DCC: variants seen among roughly 807,000 people sequenced by gnomAD.
DCC encodes the protein DCC netrin 1 receptor.
A neutral mutation model predicts 172.5 loss-of-function variants in DCC; 58 were observed. The observed-to-expected ratio is 0.34, with a 90% confidence interval of 0.27 to 0.42. The LOEUF (loss-of-function observed/expected upper bound fraction) is 0.42, where lower values mean the gene tolerates loss of function less well. Ranked by LOEUF, DCC falls within the 10% of genes least tolerant of loss-of-function variation. DCC has a pLI of 1.00. For missense variants in DCC, 1,740 were observed against 1,791.0 expected (o/e 0.97, Z 0.51); for synonymous variants, 709 against 644.5 (o/e 1.10, Z -1.52).
Position 53,402,846 on chromosome 18 carries a change from T to C in DCC, c.2888T>C (p.Val963Ala), listed in dbSNP as rs1296786776. The change falls in exon 19 of 29, where the codon GTC becomes GCC. Residue 963 changes from valine (V) to alanine (A), a missense_variant. Physicochemically the swap from Val to Ala is moderately conservative, Grantham distance 64 (BLOSUM62 0). Coordinates refer to ENST00000442544, the MANE Select transcript of DCC (RefSeq NM_005215.4). Reference sequence around the variant, plus strand: ...ACTAGGGAAGGGAAGCCTCGTGCCGTCATTGTGAGTTGGCAGCCTCCCTTG... The same window carrying C: ...ACTAGGGAAGGGAAGCCTCGTGCCGCCATTGTGAGTTGGCAGCCTCCCTTG... ...VITREGKPRA[V>A]IVSWQPPLEA... 2 of 1,614,078 alleles carry C rather than the reference T, an allele frequency of 1.2e-6. No individual in the cohort carries two copies. The highest frequency in any genetic ancestry group is 1.7e-6 in the Non-Finnish European group (2 of 1,179,976).
intron 2 of DCC, among the ~76,000 whole-genome samples, chr18:52,886,634 A>T (rs1055063429): frequency 1.3e-5 from 2 of 152,154 alleles, no homozygotes; most frequent in Admixed American, 6.5e-5. Flanking sequence ...GAGGGGGGTC[A>T]GACAAAACCT....
chr18:52,481,425 G>GAATGTAA (rs1240956585), intron 1 of DCC, among the ~76,000 whole-genome samples: 1 of 152,070 alleles, frequency 6.6e-6, no homozygotes, highest in Non-Finnish European at 1.5e-5. Context: ...GATTTTACCT[G>GAATGTAA]GCCAGGGAAA....
chr18:53,270,549 C>T (rs1403992464), intron 12 of DCC, among the ~76,000 whole-genome samples: 5 of 152,028 alleles, frequency 3.3e-5, no homozygotes, highest in Non-Finnish European at 7.4e-5. Flanking sequence ...CAATTTGCTT[C>T]CTGGGATTCA....
chr18:52,817,365 C>T (rs1398296876), intron 2 of DCC, among the ~76,000 whole-genome samples: 2 of 152,030 alleles, frequency 1.3e-5, no homozygotes, highest in Admixed American at 6.5e-5. Flanking sequence ...TTTATAGATA[C>T]TCACAAACTC....
In DCC at chr18:53,140,287, G is replaced by T. The variant is rs540218975; in HGVS notation, c.1262-17069G>T. ...ATATGTTAAAACCCAAATTAAACAA[G>T]CTTTTATCTGCATGGCTCAGTGTCA... On this transcript the variant is annotated intron_variant, in intron 7 of 28. Transcript: ENST00000442544. 1.2e-4 allele frequency among the ~76,000 whole-genome samples: 19 copies of T among 152,212 alleles called. No individual in the cohort carries two copies. The South Asian group carries it at 3.1e-3, about 25-fold the overall frequency.
intron 2 of DCC, among the ~76,000 whole-genome samples, chr18:52,841,312 T>C (rs1598856644): frequency 6.6e-6 from 1 of 151,240 alleles, no homozygotes; most frequent in Admixed American, 6.6e-5. Context: ...CTCTGACTAA[T>C]GCATGTAGAG....
chr18:52,375,327 A>G (rs1211895334), intron 1 of DCC, among the ~76,000 whole-genome samples: 1 of 152,220 alleles, frequency 6.6e-6, no homozygotes, highest in Non-Finnish European at 1.5e-5. Context: ...ACTCACACAC[A>G]CACACATTTA....
Position 52,746,966 on chromosome 18 carries a change from GGGAGGA to G in DCC, c.92-5071_92-5066del, listed in dbSNP as rs573886015. Among the ~76,000 whole-genome samples the G allele has an allele frequency of 2.0e-5, 3 of 150,814 alleles. No individual in the cohort carries two copies. The East Asian group carries it at 5.8e-4, about 29-fold the overall frequency. On this transcript the variant is annotated intron_variant, in intron 1 of 28. Transcript: ENST00000442544. ...GAGGTGGAGAAGGAGGAAGTGTAAG[GGGAGGA>G]GGAGGAGGAGGAGGAGAAGGCCCAA...
chr18:53,313,602 C>T (rs1290656192), intron 13 of DCC, among the ~76,000 whole-genome samples: 1 of 152,182 alleles, frequency 6.6e-6, no homozygotes, highest in Non-Finnish European at 1.5e-5. Flanking sequence ...TTGGATATTA[C>T]TGATTTCTTA....
At chr18:53,194,233 T>C (rs1009847570) in intron 9 of DCC, among the ~76,000 whole-genome samples, 15 of 152,136 alleles carry the variant, frequency 9.9e-5, no homozygotes, top group African/African-American at 3.6e-4. Context: ...AGCCAGTGAA[T>C]GCCCTTTCTG....
intron 15 of DCC, among the ~76,000 whole-genome samples, chr18:53,348,913 C>T (rs775373601): frequency 2.0e-5 from 3 of 152,166 alleles, no homozygotes; most frequent in Non-Finnish European, 4.4e-5. Context: ...AGGGGCTGCA[C>T]TGAAGACCTC....
At chr18:53,132,355 C>A (rs578153354) in intron 7 of DCC, among the ~76,000 whole-genome samples, 81 of 152,136 alleles carry the variant, frequency 5.3e-4, no homozygotes, top group Middle Eastern at 6.8e-3. Context: ...CATGATGAGT[C>A]GACCTGAGCT....
chr18:52,955,953 G>A (rs1483195910), intron 5 of DCC, among the ~76,000 whole-genome samples: 3 of 151,530 alleles, frequency 2.0e-5, no homozygotes, highest in African/African-American at 7.3e-5. Context: ...TGCATATTTG[G>A]GCTATCATTT....
At chr18:53,017,821 A>G (rs1410059673) in intron 5 of DCC, among the ~76,000 whole-genome samples, 1 of 152,188 alleles carries the variant, frequency 6.6e-6, no homozygotes, top group East Asian at 1.9e-4. Context: ...TTCTTTTTAT[A>G]CATACTACTG....
rs112598124 is a variant in DCC, at chr18:52,503,517, G to A, written c.91+162639G>A. ...AAAATATACAGTAGGAAAAGCATGCGATTGTGCTCAGAGTTTATGTTCCTG... is the reference window on the plus strand; with the variant it reads ...AAAATATACAGTAGGAAAAGCATGCAATTGTGCTCAGAGTTTATGTTCCTG... On this transcript the variant is annotated intron_variant, in intron 1 of 28. Transcript: ENST00000442544. 9.0e-3 allele frequency among the ~76,000 whole-genome samples: 1,372 copies of A among 152,210 alleles called. 11 individuals are homozygous for A. The highest frequency in any genetic ancestry group is 0.02 in the Middle Eastern group (6 of 294).
chr18:52,756,698 A>G (rs1041035623), intron 2 of DCC, among the ~76,000 whole-genome samples: 2 of 152,140 alleles, frequency 1.3e-5, no homozygotes, highest in African/African-American at 4.8e-5. Flanking sequence ...GGCCAAGCAC[A>G]TCTTCCCTAC....
intron 5 of DCC, among the ~76,000 whole-genome samples, chr18:53,027,846 C>A (rs1315980966): frequency 6.6e-6 from 1 of 151,330 alleles, no homozygotes; most frequent in Non-Finnish European, 1.5e-5. Flanking sequence ...CTGTTCTAAT[C>A]TCTGAGAATC....
chr18:52,655,954 ATATG>A (rs1437138870), intron 1 of DCC, among the ~76,000 whole-genome samples: 2 of 91,504 alleles, frequency 2.2e-5, no homozygotes, highest in Non-Finnish European at 4.6e-5. Context: ...CATTAAATAT[ATATG>A]TGTGTGTGTG....
intron 2 of DCC, among the ~76,000 whole-genome samples, chr18:52,817,412 A>G (rs2038320428): frequency 6.6e-6 from 1 of 152,162 alleles, no homozygotes; most frequent in Non-Finnish European, 1.5e-5. Flanking sequence ...TTCAGTAGTC[A>G]TCTTTATAGA....
Sources: gnomAD v4.1 joint callset for allele counts (sites outside exome capture counted in the v4.1 genomes callset) on GRCh38, gnomAD v4.1.1 for gene constraint, MANE v1.5 for transcripts, NCBI Gene and HGNC (gene_info 2026-07-23, HGNC 2026-07-21) for gene names.